Variants in PROM1 observed in about 807,000 individuals in gnomAD.
The protein encoded by PROM1 is prominin-1.
A neutral mutation model predicts 116.9 loss-of-function variants in PROM1; 105 were observed. The ratio of observed to expected loss-of-function variants is 0.90; its 90% CI spans 0.77 to 1.06. The LOEUF (loss-of-function observed/expected upper bound fraction) is 1.06. Among genes scored for constraint, PROM1 ranks in the 50% least tolerant of loss-of-function variants. The pLI is 0.00. For synonymous variants in PROM1, 393 were observed against 387.0 expected, an observed-to-expected ratio of 1.02 and a Z score of -0.18; for missense variants, 1,122 against 1,045.2, an observed-to-expected ratio of 1.07 and a Z score of -1.01.
chr4:15,979,368 G>A (rs778024421), intron 26 of PROM1, 27 bp downstream of exon 26: 3 of 1,613,490 alleles, frequency 1.9e-6, no homozygotes, highest in Non-Finnish European at 2.5e-6. Flanking sequence ...TCATAGGGCG[G>A]GCATGCACTT....
At chr4:16,071,264 C>A (rs1171030321) in intron 2 of PROM1, among the ~76,000 whole-genome samples, 6 of 152,208 alleles carry the variant, frequency 3.9e-5, no homozygotes, top group Admixed American at 1.3e-4. Flanking sequence ...CCGCAGAACG[C>A]AGGGACTTTC....
rs932786536 is a variant in PROM1 at position 16,002,491 on chromosome 4, C to G, written c.1455-1872G>C. Among the ~76,000 whole-genome samples, 4 of 152,174 alleles carry G rather than the reference C, an allele frequency of 2.6e-5. No homozygotes were observed. The East Asian group carries it at 7.7e-4, about 29-fold the overall frequency. ...TGTGGGCTGATGCTCGCAATCACCA[C>G]AGCATCCCCTCCTAAGGGCACGATT... is the stretch of plus-strand genomic sequence containing the variant. On this transcript the variant is annotated intron_variant, in intron 13 of 27. Coordinates refer to ENST00000447510, the MANE Select transcript of PROM1 (RefSeq NM_006017.3).
intron 13 of PROM1, among the ~76,000 whole-genome samples, chr4:16,004,932 T>TTC: frequency 1.3e-5 from 1 of 74,674 alleles, no homozygotes; most frequent in Admixed American, 1.5e-4. Context: ...CCTTCCTTCC[T>TTC]CTTTCTTTTT....
At chr4:16,042,272 CCTTT>C (rs1473831493) in intron 2 of PROM1, among the ~76,000 whole-genome samples, 1 of 152,166 alleles carries the variant, frequency 6.6e-6, no homozygotes, top group African/African-American at 2.4e-5. Context: ...AGTACTTATG[CCTTT>C]CTAACGTGAT....
chr4:16,033,265 C>G, intron 5 of PROM1, 39 bp downstream of exon 5: 1 of 1,537,940 alleles, frequency 6.5e-7, no homozygotes, highest in Non-Finnish European at 8.9e-7. Context: ...TCTTCATCAG[C>G]CTAAAACACA....
At chr4:15,995,023 C>A (rs971306885) in intron 15 of PROM1, among the ~76,000 whole-genome samples, 1 of 152,156 alleles carries the variant, frequency 6.6e-6, no homozygotes, top group Admixed American at 6.5e-5. Flanking sequence ...GGGTGGTGAA[C>A]GGGTTTAACT....
chr4:16,025,395 G>GCCCGCAGGGAGGGC, intron 5 of PROM1, 83 bp from the exon 6 acceptor site: 1 of 1,535,096 alleles, frequency 6.5e-7, no homozygotes, highest in East Asian at 2.3e-5. Context: ...CAGAGCAGGA[G>GCCCGCAGGGAGGGC]TCAGGGAGGA....
intron 23 of PROM1, among the ~76,000 whole-genome samples, chr4:15,982,476 T>C (rs1718218931): frequency 1.3e-5 from 2 of 152,218 alleles, no homozygotes; most frequent in African/African-American, 4.8e-5. Context: ...TGGGGACAAT[T>C]GAGATACAAA....
chr4:16,077,075 G>C (rs567148470), intron 1 of PROM1, among the ~76,000 whole-genome samples: 1 of 152,212 alleles, frequency 6.6e-6, no homozygotes, highest in African/African-American at 2.4e-5. Flanking sequence ...CCCCCAGCCC[G>C]ACACCCGTAA....
chr4:16,035,890 T>C (rs1483240098), intron 3 of PROM1, 129 bp from the exon 4 acceptor site: 2 of 845,662 alleles, frequency 2.4e-6, no homozygotes, highest in East Asian at 4.8e-5. Flanking sequence ...AATTGGGTGA[T>C]AGAAGGATAA....
chr4:16,075,680 C>T lies in PROM1; in HGVS notation c.220+7G>A, dbSNP rs768718033. 31 of 1,608,174 alleles carry T rather than the reference C, an allele frequency of 1.9e-5. No homozygotes were observed. The highest frequency in any genetic ancestry group is 2.6e-5 in the Non-Finnish European group (31 of 1,176,634). ...AAATCCTATCTTTCCCTGCCATCAG[C>T]ACTTACCTTCTGGGAAATCACGCGG... is the stretch of plus-strand genomic sequence containing the variant. On this transcript the variant is annotated splice_region_variant and intron_variant, in intron 2 of 27. Transcript: ENST00000447510.
chr4:16,072,647 T>C (rs1560620117), intron 2 of PROM1, among the ~76,000 whole-genome samples: 1 of 152,124 alleles, frequency 6.6e-6, no homozygotes. Context: ...TCTTGATGGG[T>C]GACTACCCTG....
intron 14 of PROM1, among the ~76,000 whole-genome samples, chr4:15,999,030 C>G (rs1420188466): frequency 1.3e-5 from 2 of 152,032 alleles, no homozygotes; most frequent in Non-Finnish European, 2.9e-5. Flanking sequence ...ACGCCGAGAA[C>G]TCTTTAATCT....
At chr4:15,997,959 G>C (rs756751140) in intron 15 of PROM1, among the ~76,000 whole-genome samples, 1 of 152,224 alleles carries the variant, frequency 6.6e-6, no homozygotes, top group Non-Finnish European at 1.5e-5. Flanking sequence ...CGGGGTCAGA[G>C]CCCAGGAGTC....
intron 13 of PROM1, among the ~76,000 whole-genome samples, chr4:16,001,615 C>A: frequency 6.6e-6 from 1 of 152,110 alleles, no homozygotes; most frequent in South Asian, 2.1e-4. Context: ...AAGGAATGGT[C>A]GGCTGTCACC....
intron 27 of PROM1, 59 bp downstream of exon 27, chr4:15,970,984 T>C (rs1331069067): frequency 1.5e-6 from 2 of 1,338,688 alleles, no homozygotes; most frequent in Non-Finnish European, 2.1e-6. Flanking sequence ...TGTTTTGATG[T>C]TCTAAAAACT....
chr4:16,010,760 C>T (rs1292107020), intron 11 of PROM1, among the ~76,000 whole-genome samples: 1 of 152,190 alleles, frequency 6.6e-6, no homozygotes, highest in Non-Finnish European at 1.5e-5. Context: ...CTCAGCCTCC[C>T]AAAGTGCTGG....
intron 15 of PROM1, among the ~76,000 whole-genome samples, chr4:15,997,412 A>G (rs946986366): frequency 6.6e-6 from 1 of 150,650 alleles, no homozygotes. Context: ...GGCTGGTAGT[A>G]TACATCACCT....
intron 11 of PROM1, among the ~76,000 whole-genome samples, 155 bp from the exon 12 acceptor site, chr4:16,009,263 T>C (rs985907698): frequency 6.6e-6 from 1 of 152,234 alleles, no homozygotes; most frequent in Non-Finnish European, 1.5e-5. Flanking sequence ...AGCATGAATA[T>C]AGCCAAGACC....
Sources: allele counts gnomAD v4.1 joint callset (sites outside exome capture counted in the v4.1 genomes callset), GRCh38; gene constraint gnomAD v4.1.1; transcripts MANE v1.5; gene names NCBI Gene and HGNC (gene_info 2026-07-23, HGNC 2026-07-21).